VSNL1: variants seen among roughly 807,000 people sequenced by gnomAD.
VSNL1 encodes visinin-like protein 1.
VSNL1 carries 6 observed loss-of-function variants against 20.4 expected under a neutral mutation model. That is an observed-to-expected ratio of 0.29 (90% CI 0.16 to 0.58). The LOEUF is 0.58. VSNL1 is among the 20% of genes least tolerant of loss of function. The pLI, the probability that VSNL1 is intolerant of heterozygous loss-of-function variation, is 0.90. For synonymous variants in VSNL1, 93 were observed against 86.4 expected, an observed-to-expected ratio of 1.08 and a Z score of -0.42; for missense variants, 100 against 234.5, an observed-to-expected ratio of 0.43 and a Z score of 3.75.
chr2:17,582,646 G>A (rs768463859), intron 1 of VSNL1, among the ~76,000 whole-genome samples: 5 of 152,068 alleles, frequency 3.3e-5, no homozygotes, highest in Admixed American at 6.5e-5. Context: ...ATGGAACCTT[G>A]TGAAGATGGC....
intron 2 of VSNL1, among the ~76,000 whole-genome samples, chr2:17,612,297 C>T (rs961031081): frequency 3.9e-5 from 6 of 152,140 alleles, no homozygotes; most frequent in South Asian, 2.1e-4. Context: ...TGGCTTGTCT[C>T]GGGGACTGGC....
chr2:17,572,203 A>G (rs180897354), intron 1 of VSNL1, among the ~76,000 whole-genome samples: 1 of 152,330 alleles, frequency 6.6e-6, no homozygotes, highest in African/African-American at 2.4e-5. Context: ...TGGAGGAGCC[A>G]AATTATTTGG....
chr2:17,575,544 AT>A (rs534230519), intron 1 of VSNL1, among the ~76,000 whole-genome samples: 1 of 149,210 alleles, frequency 6.7e-6, no homozygotes, highest in Non-Finnish European at 1.5e-5. Context: ...TATTTTTTTT[AT>A]TTTTTTTTGA....
chr2:17,603,850 C>G (rs977196940), intron 2 of VSNL1, among the ~76,000 whole-genome samples: 5 of 152,118 alleles, frequency 3.3e-5, no homozygotes, highest in Non-Finnish European at 7.4e-5. Flanking sequence ...ATAAATGTCC[C>G]AGTGACTCAA....
intron 2 of VSNL1, among the ~76,000 whole-genome samples, chr2:17,593,229 A>T (rs533362465): frequency 6.6e-6 from 1 of 152,334 alleles, no homozygotes; most frequent in African/African-American, 2.4e-5. Flanking sequence ...GGCATGTGTA[A>T]GAATACTCAT....
intron 2 of VSNL1, among the ~76,000 whole-genome samples, chr2:17,631,997 C>G (rs1447696817): frequency 6.6e-6 from 1 of 152,100 alleles, no homozygotes; most frequent in African/African-American, 2.4e-5. Flanking sequence ...AGTAATTCTC[C>G]TTCCTCAGCC....
At chr2:17,585,000 G>C (rs556787792) in intron 1 of VSNL1, among the ~76,000 whole-genome samples, 1 of 152,068 alleles carries the variant, frequency 6.6e-6, no homozygotes, top group Non-Finnish European at 1.5e-5. Context: ...CTTGTTACTC[G>C]CCCTAACATT....
chr2:17,652,930 T>C (rs1401748210), intron 3 of VSNL1, among the ~76,000 whole-genome samples: 1 of 152,208 alleles, frequency 6.6e-6, no homozygotes, highest in African/African-American at 2.4e-5. Context: ...TGTGCTGCGG[T>C]CCAGGAAGGA....
chr2:17,649,347 C>G lies in VSNL1; in HGVS notation c.163-63C>G. 3.3e-6 allele frequency: 5 copies of G among 1,524,880 alleles called. No homozygotes were observed. Among genetic ancestry groups the G allele is most frequent in the Non-Finnish European group, 4.5e-6 (5 of 1,100,622 alleles). The allele number at this position is 1,524,880 out of a possible 1,614,324, so 94.5% of individuals were successfully genotyped here. A position where few individuals can be genotyped will look rare whatever the true frequency, so the allele number is the denominator to read the frequency against. ...GCACCTGTGATGCCGTCATTAGGAACCTACCTCGTCGCCCCGATTCCATCC... is the reference window on the plus strand; with the variant it reads ...GCACCTGTGATGCCGTCATTAGGAAGCTACCTCGTCGCCCCGATTCCATCC... On this transcript the variant is annotated intron_variant, in intron 2 of 3. Transcript: ENST00000295156. The surrounding 1 kb of genome is among the most constrained non-coding windows in gnomAD (Gnocchi z 6.4).
At chr2:17,541,092 A>C in intron 1 of VSNL1, 174 bp downstream of exon 1, 1 of 101,426 alleles carries the variant, frequency 9.9e-6, no homozygotes, top group African/African-American at 4.0e-5. Context: ...TCCATGGGGG[A>C]TCTTTTGGAA....
intron 2 of VSNL1, among the ~76,000 whole-genome samples, chr2:17,625,188 A>G (rs1267495261): frequency 6.6e-6 from 1 of 152,208 alleles, no homozygotes; most frequent in African/African-American, 2.4e-5. Flanking sequence ...GCCTTCCACC[A>G]TAATTGTGAG....
At chr2:17,648,748 T>C (rs887093498) in intron 2 of VSNL1, among the ~76,000 whole-genome samples, 3 of 152,234 alleles carry the variant, frequency 2.0e-5, no homozygotes, top group African/African-American at 7.2e-5. Context: ...GTGTCCATTC[T>C]CTGCCTCCCA....
At chr2:17,654,231 T>C (rs993452658) in intron 3 of VSNL1, among the ~76,000 whole-genome samples, 9 of 152,212 alleles carry the variant, frequency 5.9e-5, no homozygotes, top group African/African-American at 9.6e-5. Flanking sequence ...AAGGAAATAA[T>C]TTATACTTTG....
intron 2 of VSNL1, among the ~76,000 whole-genome samples, chr2:17,635,927 T>G (rs1242900956): frequency 6.6e-6 from 1 of 151,854 alleles, no homozygotes; most frequent in Non-Finnish European, 1.5e-5. Flanking sequence ...GAGTTTGACA[T>G]GGTCACTGTG....
chr2:17,594,208 C>T (rs1664659949), intron 2 of VSNL1, among the ~76,000 whole-genome samples: 1 of 152,206 alleles, frequency 6.6e-6, no homozygotes, highest in Admixed American at 6.5e-5. Flanking sequence ...CCAAAATCAT[C>T]TCCCACCTCC....
At position 17,573,617 on chromosome 2, in the gene VSNL1, A is replaced by G. The variant is rs575755413; in HGVS notation, c.-5-18453A>G. Among the ~76,000 whole-genome samples, 104 of 152,304 alleles carry G rather than the reference A, an allele frequency of 6.8e-4. 2 individuals carry two copies. Among genetic ancestry groups the G allele is most frequent in the African/African-American group, 2.5e-3 (102 of 41,566 alleles). On this transcript the variant is annotated intron_variant, in intron 1 of 3. Coordinates refer to ENST00000295156, the MANE Select transcript of VSNL1 (RefSeq NM_003385.5). Reference sequence around the variant, plus strand: ...TCAGACTGTGGATTTCAAACTCATGACGCTTTGCTGAATTACTGAGACAGA... The same window carrying G: ...TCAGACTGTGGATTTCAAACTCATGGCGCTTTGCTGAATTACTGAGACAGA...
At chr2:17,613,886 A>T (rs1352966559) in intron 2 of VSNL1, among the ~76,000 whole-genome samples, 1 of 152,216 alleles carries the variant, frequency 6.6e-6, no homozygotes, top group Non-Finnish European at 1.5e-5. Flanking sequence ...AATCAGACAG[A>T]TCTTGCTCCA....
At chr2:17,600,955 G>T (rs1237717539) in intron 2 of VSNL1, among the ~76,000 whole-genome samples, 1 of 152,174 alleles carries the variant, frequency 6.6e-6, no homozygotes, top group East Asian at 1.9e-4. Flanking sequence ...CTAGCTACCA[G>T]CATTAGAGAC....
At chr2:17,654,876 GTATT>G (rs1283126981) in intron 3 of VSNL1, among the ~76,000 whole-genome samples, 2 of 152,142 alleles carry the variant, frequency 1.3e-5, no homozygotes, top group Non-Finnish European at 2.9e-5. Context: ...CATTTGATCA[GTATT>G]TATTGAGACC....
Sources: gnomAD v4.1 joint callset for allele counts (sites outside exome capture counted in the v4.1 genomes callset) on GRCh38, gnomAD v4.1.1 for gene constraint, Gnocchi (gnomAD v3.1) non-coding constraint, MANE v1.5 for transcripts, NCBI Gene and HGNC (gene_info 2026-07-23, HGNC 2026-07-21) for gene names.